The following HSF5 variants were observed in gnomAD, a reference collection of about 807,000 sequenced individuals.
HSF5 encodes the protein heat shock factor protein 5.
HSF5 carries 5 observed loss-of-function variants against 50.8 expected under a neutral mutation model. The observed-to-expected ratio is 0.10, with a 90% CI of 0.05 to 0.21. The LOEUF is 0.21. Among genes scored for constraint, HSF5 ranks in the 10% least tolerant of loss-of-function variants. The pLI, the probability that HSF5 is intolerant of heterozygous loss-of-function variation, is 1.00. For missense variants in HSF5, 564 were observed against 762.6 expected, an observed-to-expected ratio of 0.74 and a Z score of 3.07; for synonymous variants, 307 against 307.4, an observed-to-expected ratio of 1.00 and a Z score of 0.02.
intron 5 of HSF5, among the ~76,000 whole-genome samples, chr17:58,429,459 A>G (rs983965686): frequency 6.6e-6 from 1 of 152,182 alleles, no homozygotes; most frequent in Non-Finnish European, 1.5e-5. Flanking sequence ...GCTTGAGCCC[A>G]GCAGGCAGAG....
rs1974983753 is a variant in HSF5 at position 58,474,316 on chromosome 17, TG to T, written c.925+5576del. ...TTTTCATTTACAAAGTACTTCAGAA[TG>T]CTCAAAGTAGTTTTGCCCACATTAT... On this transcript the variant is annotated intron_variant, in intron 2 of 5. Coordinates refer to ENST00000323777, the MANE Select transcript of HSF5 (RefSeq NM_001080439.3). Among the ~76,000 whole-genome samples the T allele has an allele frequency of 2.6e-5, 4 of 152,350 alleles. No homozygotes were observed. In the South Asian group the frequency reaches 8.3e-4, roughly 32 times the overall value.
intron 1 of HSF5, among the ~76,000 whole-genome samples, chr17:58,481,336 T>C (rs1487476379): frequency 6.6e-6 from 1 of 152,170 alleles, no homozygotes; most frequent in East Asian, 1.9e-4. Context: ...GTCTTCTCTT[T>C]ATTAGCAATG....
rs192342374 is a variant in HSF5, at chr17:58,445,035, T to C, written c.1720+13733A>G. ...ATGTAAAAAAAAATCAAACCTATAA[T>C]GAGGTATCTATCAGCTCATGCTCAC... On this transcript the variant is annotated intron_variant, in intron 5 of 5. Transcript: ENST00000323777. Among the ~76,000 whole-genome samples the C allele has an allele frequency of 6.4e-4, 98 of 152,184 alleles. 1 individual carries two copies. The highest frequency in any genetic ancestry group is 2.3e-3 in the African/African-American group (97 of 41,522).
At chr17:58,440,425 GGT>G (rs1285306295) in intron 5 of HSF5, among the ~76,000 whole-genome samples, 2 of 152,130 alleles carry the variant, frequency 1.3e-5, no homozygotes, top group East Asian at 3.8e-4. Context: ...ACTGGATTAA[GGT>G]GATCCCTAAT....
At chr17:58,465,182 C>CTT (rs529950180) in intron 3 of HSF5, among the ~76,000 whole-genome samples, 79 of 69,332 alleles carry the variant, frequency 1.1e-3, no homozygotes, top group East Asian at 6.5e-3. Context: ...TATTTCTTTT[C>CTT]TTTTTTTTTT....
At chr17:58,451,098 A>G (rs917626917) in intron 5 of HSF5, among the ~76,000 whole-genome samples, 3 of 152,200 alleles carry the variant, frequency 2.0e-5, no homozygotes, top group South Asian at 2.1e-4. Context: ...CAGAAATAAT[A>G]ATGATGATGA....
chr17:58,438,960 T>TA (rs374134146), intron 5 of HSF5, among the ~76,000 whole-genome samples: 10 of 150,540 alleles, frequency 6.6e-5, no homozygotes, highest in South Asian at 6.3e-4. Context: ...CTTTGAAAAG[T>TA]AAAAAAAAAT....
At chr17:58,459,518 G>A (rs758627193) in intron 4 of HSF5, among the ~76,000 whole-genome samples, 3 of 151,836 alleles carry the variant, frequency 2.0e-5, no homozygotes, top group Non-Finnish European at 4.4e-5. Context: ...GTGGTAGCAG[G>A]TGCCTGTAAT....
chr17:58,478,729 G>A (rs1975057944), intron 2 of HSF5, among the ~76,000 whole-genome samples: 1 of 151,398 alleles, frequency 6.6e-6, no homozygotes, highest in African/African-American at 2.4e-5. Context: ...CGGGTGTGGT[G>A]ATGGACATCT....
intron 5 of HSF5, among the ~76,000 whole-genome samples, chr17:58,446,137 CAA>C (rs575406434): frequency 4.6e-4 from 22 of 47,776 alleles, no homozygotes; most frequent in Admixed American, 1.2e-3. Context: ...AACTCCATCT[CAA>C]AAAAAAAAAA....
intron 5 of HSF5, among the ~76,000 whole-genome samples, chr17:58,456,076 A>G (rs910056075): frequency 1.4e-4 from 21 of 151,978 alleles, no homozygotes; most frequent in African/African-American, 5.1e-4. Flanking sequence ...GATATGGATC[A>G]ACCTAAATAC....
At chr17:58,452,487 T>C (rs531850662) in intron 5 of HSF5, among the ~76,000 whole-genome samples, 1 of 152,234 alleles carries the variant, frequency 6.6e-6, no homozygotes, top group South Asian at 2.1e-4. Flanking sequence ...AGACCAATAA[T>C]GAGCAATAAT....
chr17:58,473,273 T>C (rs1974972656), intron 2 of HSF5, among the ~76,000 whole-genome samples: 1 of 152,068 alleles, frequency 6.6e-6, no homozygotes, highest in East Asian at 1.9e-4. Context: ...AAGTATGTGT[T>C]AATAAAAAAA....
At chr17:58,477,181 G>A (rs2531739) in intron 2 of HSF5, among the ~76,000 whole-genome samples, 122,349 of 147,582 alleles carry the variant, frequency 0.83, 50,843 homozygotes, top group East Asian at 1. Context: ...GTGCAATGGC[G>A]TGATCTTGGC....
intron 5 of HSF5, among the ~76,000 whole-genome samples, chr17:58,441,724 G>T (rs1327839088): frequency 6.6e-6 from 1 of 152,168 alleles, no homozygotes; most frequent in Non-Finnish European, 1.5e-5. Context: ...ACAACAAATA[G>T]AAAAATACTC....
intron 5 of HSF5, among the ~76,000 whole-genome samples, chr17:58,424,895 T>C (rs1194699739): frequency 6.6e-6 from 1 of 152,106 alleles, no homozygotes; most frequent in African/African-American, 2.4e-5. Flanking sequence ...AGACAAATAC[T>C]ATATGATCCC....
chr17:58,442,383 A>G (rs1598185160), intron 5 of HSF5, among the ~76,000 whole-genome samples: 2 of 152,234 alleles, frequency 1.3e-5, no homozygotes, highest in African/African-American at 4.8e-5. Flanking sequence ...AGTGTTGAAG[A>G]TAAGTAGGGA....
intron 5 of HSF5, among the ~76,000 whole-genome samples, chr17:58,435,793 G>A (rs1974420529): frequency 6.6e-6 from 1 of 151,326 alleles, no homozygotes; most frequent in Non-Finnish European, 1.5e-5. Context: ...CAGCTACTCG[G>A]GAGGCTGAGG....
chr17:58,467,029 T>C, intron 2 of HSF5, 50 bp from the exon 3 acceptor site: 2 of 1,232,060 alleles, frequency 1.6e-6, no homozygotes, highest in Non-Finnish European at 2.4e-6. Flanking sequence ...TACATTTCTA[T>C]AGCATTCAAG....
Sources: gnomAD v4.1 joint callset for allele counts (sites outside exome capture counted in the v4.1 genomes callset) on GRCh38, gnomAD v4.1.1 for gene constraint, MANE v1.5 for transcripts, NCBI Gene and HGNC (gene_info 2026-07-23, HGNC 2026-07-21) for gene names.